Variants in TEX101 observed in about 807,000 individuals in gnomAD.
TEX101 encodes the protein testis expressed 101, also known as testis-expressed protein 101.
A neutral mutation model predicts 18.1 loss-of-function variants in TEX101; 10 were observed. The ratio of observed to expected loss-of-function variants is 0.55; its 90% confidence interval spans 0.34 to 0.94. TEX101 has a LOEUF of 0.94. Among genes scored for constraint, TEX101 ranks in the 40% least tolerant of loss-of-function variants. The pLI, the probability that TEX101 is intolerant of heterozygous loss-of-function variation, is 0.02. For synonymous variants in TEX101, 94 were observed against 114.8 expected (o/e 0.82, Z 1.16); for missense variants, 259 against 298.9 (o/e 0.87, Z 0.98).
intron 3 of TEX101, chr19:43,406,536 G>C (rs1282006809): frequency 8.7e-6 from 6 of 693,432 alleles, no homozygotes; most frequent in Non-Finnish European, 1.6e-5. Flanking sequence ...GGGCCTTGCG[G>C]GCTGTGGGTG....
At chr19:43,391,422 T>C in the TEX101 span, among the ~76,000 whole-genome samples, 5 of 150,046 alleles carry the variant, frequency 3.3e-5, no homozygotes, top group South Asian at 1.1e-3. Flanking sequence ...TTTTTTTTTT[T>C]TTTTTTTTGA....
chr19:43,417,842 G>A lies in TEX101; in HGVS notation c.392-36G>A, dbSNP rs1970496288. The A allele has an allele frequency of 8.1e-6, 13 of 1,612,660 alleles. No homozygotes were observed. In the East Asian group the frequency reaches 2.9e-4, roughly 36 times the overall value. On this transcript the variant is annotated intron_variant, in intron 4 of 5. Coordinates refer to ENST00000598265, the MANE Select transcript of TEX101 (RefSeq NM_001130011.3). Reference sequence around the variant, plus strand: ...CAAGGAGCAACATCTCTGGAGGCAGGACCTGCCCTTAACTGTCTCTCTCAT... The same window carrying A: ...CAAGGAGCAACATCTCTGGAGGCAGAACCTGCCCTTAACTGTCTCTCTCAT...
the TEX101 span, among the ~76,000 whole-genome samples, chr19:43,389,110 G>A: frequency 6.6e-6 from 1 of 152,138 alleles, no homozygotes; most frequent in Non-Finnish European, 1.5e-5. Context: ...ACCCACCTTG[G>A]GACGGGCATC....
At chr19:43,407,318 C>G (rs1278365865) in intron 3 of TEX101, among the ~76,000 whole-genome samples, 1 of 152,068 alleles carries the variant, frequency 6.6e-6, no homozygotes, top group Non-Finnish European at 1.5e-5. Flanking sequence ...ACCCCCATCT[C>G]TACTGAAAAT....
At chr19:43,408,353 G>A (rs932130691) in intron 3 of TEX101, among the ~76,000 whole-genome samples, 2 of 152,220 alleles carry the variant, frequency 1.3e-5, no homozygotes, top group African/African-American at 2.4e-5. Flanking sequence ...AGGGTGGCCC[G>A]GTGGCCCCTA....
intron 3 of TEX101, among the ~76,000 whole-genome samples, chr19:43,407,289 G>A (rs1415511918): frequency 6.6e-6 from 1 of 152,144 alleles, no homozygotes; most frequent in Non-Finnish European, 1.5e-5. Flanking sequence ...TTCGAGGCCA[G>A]CCTGGCCAAC....
the TEX101 span, among the ~76,000 whole-genome samples, chr19:43,390,152 T>A: frequency 6.6e-6 from 1 of 152,128 alleles, no homozygotes; most frequent in East Asian, 1.9e-4. Context: ...CCATTACATT[T>A]CCTTTTTCTG....
At chr19:43,398,165 A>T (rs1461653879), upstream of TEX101, among the ~76,000 whole-genome samples, 5 of 82,348 alleles carry the variant, frequency 6.1e-5, no homozygotes, top group African/African-American at 2.5e-4. Context: ...TATTATATAT[A>T]AATATATAAT....
chr19:43,401,261 G>A (rs1970315730), upstream of TEX101, among the ~76,000 whole-genome samples: 1 of 152,178 alleles, frequency 6.6e-6, no homozygotes, highest in Non-Finnish European at 1.5e-5. Flanking sequence ...GGAAAATGCT[G>A]GTAATAGCAT....
At chr19:43,389,885 CT>C in the TEX101 span, among the ~76,000 whole-genome samples, 8 of 152,286 alleles carry the variant, frequency 5.3e-5, no homozygotes, top group East Asian at 9.6e-4. Flanking sequence ...CCACCCATTC[CT>C]CCTTGAATGA....
upstream of TEX101, among the ~76,000 whole-genome samples, chr19:43,413,927 C>A (rs769145167): frequency 2.0e-5 from 3 of 151,882 alleles, no homozygotes; most frequent in African/African-American, 4.8e-5. Flanking sequence ...TGCACTCCAG[C>A]CTGGGGGATA....
upstream of TEX101, among the ~76,000 whole-genome samples, chr19:43,412,931 G>A (rs1970431341): frequency 6.6e-6 from 1 of 152,126 alleles, no homozygotes; most frequent in Non-Finnish European, 1.5e-5. Flanking sequence ...CAGGAGGAAA[G>A]AGAGAAAGCA....
intron 2 of TEX101, among the ~76,000 whole-genome samples, chr19:43,404,069 G>GTTTTTT (rs33928385): frequency 9.7e-6 from 1 of 103,204 alleles, no homozygotes; most frequent in Non-Finnish European, 1.9e-5. Flanking sequence ...AAGTGTGTGG[G>GTTTTTT]TTTTTTTTTT....
upstream of TEX101, among the ~76,000 whole-genome samples, chr19:43,414,147 A>G (rs1970445308): frequency 7.2e-6 from 1 of 139,052 alleles, no homozygotes; most frequent in African/African-American, 2.6e-5. Context: ...AGGGGAGGGG[A>G]AGGGAGGGGA....
rs1263584943 is a variant in TEX101, at chr19:43,414,950, C to T, written c.-128C>T. 1.0e-6 allele frequency: 1 copy of T among 985,404 alleles called. No individual in the cohort carries two copies. Among genetic ancestry groups the T allele is most frequent in the African/African-American group, 1.7e-5 (1 of 57,342 alleles). The allele number at this position is 985,404 out of a possible 1,614,324, so 61.0% of individuals were successfully genotyped here. On this transcript the variant is annotated 5_prime_UTR_variant, in exon 1 of 6. Coordinates refer to ENST00000598265, the MANE Select transcript of TEX101 (RefSeq NM_001130011.3). Reference sequence around the variant, plus strand: ...GCCTCAACTTTGGCGTCGTGAGATTCTTGTGAGGCGTCTGCCTGGAAGCCG... The same window carrying T: ...GCCTCAACTTTGGCGTCGTGAGATTTTTGTGAGGCGTCTGCCTGGAAGCCG...
upstream of TEX101, among the ~76,000 whole-genome samples, chr19:43,410,843 G>A (rs1200320877): frequency 2.0e-5 from 3 of 151,560 alleles, no homozygotes; most frequent in Non-Finnish European, 4.4e-5. Flanking sequence ...AACACACATA[G>A]CCAATTATAC....
At chr19:43,389,139 C>A in the TEX101 span, among the ~76,000 whole-genome samples, 2 of 152,192 alleles carry the variant, frequency 1.3e-5, no homozygotes, top group African/African-American at 4.8e-5. Flanking sequence ...GACTTCCCGC[C>A]GGGAACTCTC....
chr19:43,393,098 AGG>A, the TEX101 span, among the ~76,000 whole-genome samples: 3 of 151,170 alleles, frequency 2.0e-5, no homozygotes, highest in Admixed American at 6.6e-5. Flanking sequence ...GAAGGAAGGA[AGG>A]AAGGAAAGAA....
chr19:43,403,405 T>A (rs111477322), intron 2 of TEX101, among the ~76,000 whole-genome samples: 49 of 152,006 alleles, frequency 3.2e-4, no homozygotes, highest in African/African-American at 1.2e-3. Context: ...AATTGAACAA[T>A]GAGAACACTT....
Sources: allele counts gnomAD v4.1 joint callset (sites outside exome capture counted in the v4.1 genomes callset), GRCh38; gene constraint gnomAD v4.1.1; transcripts MANE v1.5; gene names NCBI Gene and HGNC (gene_info 2026-07-23, HGNC 2026-07-21).